The following AFG1L variants were observed in gnomAD, a reference collection of about 807,000 sequenced individuals.
AFG1L encodes the protein AFG1-like ATPase.
A neutral mutation model predicts 62.2 loss-of-function variants in AFG1L; 53 were observed. The ratio of observed to expected loss-of-function variants is 0.85; its 90% CI spans 0.68 to 1.07. The LOEUF (loss-of-function observed/expected upper bound fraction) is 1.07, where lower values mean the gene tolerates loss of function less well. Ranked by LOEUF, AFG1L falls within the 50% of genes least tolerant of loss-of-function variation. The pLI, the probability that AFG1L is intolerant of heterozygous loss-of-function variation, is 0.00. For missense variants in AFG1L, 555 were observed against 590.5 expected (o/e 0.94, Z 0.62); for synonymous variants, 228 against 210.3 (o/e 1.08, Z -0.73).
chr6:108,467,557 T>C (rs1438413601), intron 8 of AFG1L, among the ~76,000 whole-genome samples: 2 of 152,232 alleles, frequency 1.3e-5, no homozygotes, highest in African/African-American at 4.8e-5. Context: ...CATTTTAAAG[T>C]AATTTTTACT....
intron 5 of AFG1L, among the ~76,000 whole-genome samples, chr6:108,363,972 A>AT (rs1051863140): frequency 3.3e-5 from 5 of 152,016 alleles, no homozygotes; most frequent in Admixed American, 6.6e-5. Context: ...TAACCATTAG[A>AT]TTTTTTTTCT....
chr6:108,424,274 T>C (rs889032584), intron 7 of AFG1L, among the ~76,000 whole-genome samples: 20 of 152,258 alleles, frequency 1.3e-4, no homozygotes, highest in African/African-American at 4.8e-4. Context: ...AAGCTATTTA[T>C]TTTCAAAAAG....
chr6:108,429,439 G>A (rs779572804), intron 7 of AFG1L, among the ~76,000 whole-genome samples: 4 of 152,094 alleles, frequency 2.6e-5, no homozygotes, highest in South Asian at 2.1e-4. Context: ...GGAAGAACAC[G>A]GGAAAGACCC....
At chr6:108,474,343 A>T (rs544704022) in intron 8 of AFG1L, among the ~76,000 whole-genome samples, 20 of 152,304 alleles carry the variant, frequency 1.3e-4, no homozygotes, top group Admixed American at 7.2e-4. Context: ...TGCAACAAAT[A>T]TATGTGTGCA....
At chr6:108,400,059 GTGA>G (rs1281418067) in intron 6 of AFG1L, among the ~76,000 whole-genome samples, 1 of 152,116 alleles carries the variant, frequency 6.6e-6, no homozygotes. Flanking sequence ...GATTACAGGT[GTGA>G]GCCACTATGC....
intron 1 of AFG1L, among the ~76,000 whole-genome samples, chr6:108,308,565 G>C (rs1777291084): frequency 6.6e-6 from 1 of 152,022 alleles, no homozygotes; most frequent in South Asian, 2.1e-4. Flanking sequence ...CCAGGCCAGA[G>C]TGCAGTGATG....
intron 5 of AFG1L, chr6:108,359,473 C>G (rs1582434238): frequency 6.6e-6 from 1 of 152,200 alleles, no homozygotes; most frequent in African/African-American, 2.4e-5. Flanking sequence ...ATAGAGATCC[C>G]TGTTATTGCC....
chr6:108,482,494 T>C (rs1393732503), intron 10 of AFG1L, among the ~76,000 whole-genome samples: 7 of 152,170 alleles, frequency 4.6e-5, no homozygotes, highest in African/African-American at 1.7e-4. Context: ...CTGTTACAAT[T>C]AATGAACCAA....
At chr6:108,481,248 A>G (rs1773312447) in intron 10 of AFG1L, among the ~76,000 whole-genome samples, 1 of 152,236 alleles carries the variant, frequency 6.6e-6, no homozygotes, top group African/African-American at 2.4e-5. Flanking sequence ...GCAAAGGAAC[A>G]TGAAGCAGAT....
At chr6:108,376,682 T>C (rs1780262062) in intron 6 of AFG1L, among the ~76,000 whole-genome samples, 1 of 152,188 alleles carries the variant, frequency 6.6e-6, no homozygotes. Flanking sequence ...GCTTTATGAT[T>C]GAGCATGTGG....
chr6:108,422,481 A>C (rs1259530608), intron 7 of AFG1L, among the ~76,000 whole-genome samples: 1 of 138,178 alleles, frequency 7.2e-6, no homozygotes, highest in African/African-American at 3.1e-5. Context: ...CCTCAGCAAA[A>C]AAAAAAAAAA....
intron 4 of AFG1L, among the ~76,000 whole-genome samples, chr6:108,356,169 A>G (rs1048189107): frequency 6.6e-6 from 1 of 152,142 alleles, no homozygotes; most frequent in Non-Finnish European, 1.5e-5. Context: ...CTTTTGCATG[A>G]TTTGTTTACC....
At chr6:108,476,796 C>T in intron 8 of AFG1L, 69 bp from the exon 9 acceptor site, 1 of 1,121,962 alleles carries the variant, frequency 8.9e-7, no homozygotes, top group East Asian at 2.3e-5. Flanking sequence ...GCTAAGCAGT[C>T]TCAGGCAGCT....
At chr6:108,352,625 C>T (rs558431008) in intron 3 of AFG1L, among the ~76,000 whole-genome samples, 66 of 152,220 alleles carry the variant, frequency 4.3e-4, no homozygotes, top group Non-Finnish European at 7.8e-4. Context: ...AGTGTAGTGG[C>T]GTGATCTCAG....
chr6:108,418,261 G>A (rs573962314), intron 7 of AFG1L, among the ~76,000 whole-genome samples: 2 of 152,304 alleles, frequency 1.3e-5, no homozygotes, highest in African/African-American at 4.8e-5. Flanking sequence ...CCTGCTGCCT[G>A]TTTTTATAAA....
intron 7 of AFG1L, among the ~76,000 whole-genome samples, chr6:108,433,289 A>T (rs975006659): frequency 1.3e-5 from 2 of 151,718 alleles, no homozygotes; most frequent in Non-Finnish European, 1.5e-5. Context: ...TATTATTATT[A>T]TTTTTTGAGA....
intron 8 of AFG1L, among the ~76,000 whole-genome samples, chr6:108,454,077 C>T (rs1333220836): frequency 6.6e-6 from 1 of 152,154 alleles, no homozygotes; most frequent in Non-Finnish European, 1.5e-5. Flanking sequence ...TTTATTTCAT[C>T]CTCTACAACA....
chr6:108,314,426 T>A (rs1358259653), intron 1 of AFG1L, among the ~76,000 whole-genome samples: 1 of 150,438 alleles, frequency 6.6e-6, no homozygotes, highest in Non-Finnish European at 1.5e-5. Context: ...AGATAGAGTC[T>A]CGCTCTGTCG....
At chr6:108,444,357 G>C (rs74946631) in intron 7 of AFG1L, among the ~76,000 whole-genome samples, 1 of 152,022 alleles carries the variant, frequency 6.6e-6, no homozygotes, top group Admixed American at 6.6e-5. Flanking sequence ...CTTTTTGCTG[G>C]TCTTGCCTCG....
Sources: gnomAD v4.1 joint callset for allele counts (sites outside exome capture counted in the v4.1 genomes callset) on GRCh38, gnomAD v4.1.1 for gene constraint, MANE v1.5 for transcripts, NCBI Gene and HGNC (gene_info 2026-07-23, HGNC 2026-07-21) for gene names.